Variants in RAP1GAP2 observed in about 807,000 individuals in gnomAD.
The protein encoded by RAP1GAP2 is RAP1 GTPase activating protein 2.
Under a neutral mutation model 95.0 loss-of-function variants are expected in RAP1GAP2, and 27 were observed. The observed-to-expected ratio is 0.28, with a 90% confidence interval of 0.21 to 0.39. The LOEUF is 0.39. Ranked by LOEUF, RAP1GAP2 falls within the 10% of genes least tolerant of loss-of-function variation. RAP1GAP2 has a pLI of 1.00. For synonymous variants in RAP1GAP2, 373 were observed against 380.9 expected (o/e 0.98, Z 0.24); for missense variants, 771 against 970.0 (o/e 0.79, Z 2.72).
intron 2 of RAP1GAP2, among the ~76,000 whole-genome samples, chr17:2,851,014 C>T (rs7209565): frequency 0.34 from 50,674 of 151,128 alleles, 9,087 homozygotes; most frequent in Non-Finnish European, 0.41. Context: ...GAGCCAAGAC[C>T]GTGCCATTGC....
chr17:2,966,510 AT>A (rs201729707), intron 8 of RAP1GAP2, among the ~76,000 whole-genome samples: 186 of 151,602 alleles, frequency 1.2e-3, no homozygotes, highest in African/African-American at 4.1e-3. Context: ...GAGCAATCAC[AT>A]TTTTTTTTCC....
rs777671857 is a variant in RAP1GAP2 at position 2,867,145 on chromosome 17, T to C, written c.81-38139T>C. Among the ~76,000 whole-genome samples the C allele has an allele frequency of 2.7e-5, 4 of 148,966 alleles. No homozygotes were observed. Among genetic ancestry groups the C allele is most frequent in the Admixed American group, 6.7e-5 (1 of 15,016 alleles). On this transcript the variant is annotated intron_variant, in intron 2 of 24. Transcript: ENST00000254695. This position sits in a 1 kb window ranked among gnomAD's most constrained non-coding sequence, Gnocchi z 4.5. ...CGAACTCCTGGTGTCGTGATTCCCC[T>C]CACCTTGGCCTCCCAAAGTGCTGGG...
chr17:2,986,072 G>A (rs764342585), intron 11 of RAP1GAP2, among the ~76,000 whole-genome samples: 7 of 152,076 alleles, frequency 4.6e-5, no homozygotes, highest in Non-Finnish European at 1.0e-4. Flanking sequence ...GTTAATGAAC[G>A]AATAAAAATG....
At chr17:2,989,092 C>CA (rs547650695) in intron 11 of RAP1GAP2, among the ~76,000 whole-genome samples, 28,555 of 113,740 alleles carry the variant, frequency 0.25, 3,018 homozygotes, top group South Asian at 0.47. Flanking sequence ...AAAAACAAAA[C>CA]AAAAAAAAAA....
At chr17:2,786,927 G>A (rs1351396194) in intron 1 of RAP1GAP2, among the ~76,000 whole-genome samples, 3 of 148,174 alleles carry the variant, frequency 2.0e-5, no homozygotes, top group African/African-American at 7.5e-5. Context: ...GATTACAGGC[G>A]TGAGCCATCG....
At chr17:2,817,995 C>T (rs1271589427) in intron 2 of RAP1GAP2, among the ~76,000 whole-genome samples, 1 of 151,538 alleles carries the variant, frequency 6.6e-6, no homozygotes, top group East Asian at 1.9e-4. Context: ...CACGACCACG[C>T]CTGGCTAATT....
intron 2 of RAP1GAP2, among the ~76,000 whole-genome samples, chr17:2,848,944 C>T (rs978528585): frequency 3.3e-5 from 5 of 152,302 alleles, no homozygotes; most frequent in East Asian, 3.9e-4. Flanking sequence ...ATCCCAGAGA[C>T]GCAACTGTGC....
intron 3 of RAP1GAP2, among the ~76,000 whole-genome samples, chr17:2,948,914 G>A (rs1982278): frequency 0.9 from 136,326 of 152,248 alleles, 62,457 homozygotes; most frequent in Non-Finnish European, 1. Context: ...GCTGGCACCC[G>A]AACCGGCAAG....
chr17:2,845,149 G>GT (rs1339035060), intron 2 of RAP1GAP2, among the ~76,000 whole-genome samples: 2 of 152,102 alleles, frequency 1.3e-5, no homozygotes, highest in African/African-American at 2.4e-5. Context: ...TTTTGTTGTT[G>GT]TTTTTTGTTT....
Position 3,033,085 on chromosome 17 carries a change from C to G in RAP1GAP2, c.*31-307C>G, listed in dbSNP as rs557238710. ...CTGGAGCCAAGAGGAGGGGTACAAC[C>G]GAACCCACTCTGTGTTCAACCTGAT... On this transcript the variant is annotated intron_variant, in intron 24 of 24. Transcript: ENST00000254695. This position sits in a 1 kb window ranked among gnomAD's most constrained non-coding sequence, Gnocchi z 4.9. 1 of 153,504 alleles carries G rather than the reference C, an allele frequency of 6.5e-6. No homozygotes were observed. Among genetic ancestry groups the G allele is most frequent in the Non-Finnish European group, 1.5e-5 (1 of 68,926 alleles). 9.5% of individuals were successfully genotyped at this position (153,504 alleles called of 1,614,324 possible).
At chr17:2,908,935 G>T (rs929012971) in intron 3 of RAP1GAP2, among the ~76,000 whole-genome samples, 1 of 152,126 alleles carries the variant, frequency 6.6e-6, no homozygotes, top group South Asian at 2.1e-4. Context: ...GAGACTCTTG[G>T]GTTCAAGCCA....
At position 3,035,041 on chromosome 17, in the gene RAP1GAP2, C is replaced by T. The variant is rs996209814; in HGVS notation, c.*1680C>T. ...CCTATAGCTTTTGCCATTCAAGCAA[C>T]ATTGTGATCTTTCTTCCCCGCCACG... On this transcript the variant is annotated 3_prime_UTR_variant, in exon 25 of 25. Transcript: ENST00000254695. The surrounding 1 kb of genome is among the most constrained non-coding windows in gnomAD (Gnocchi z 4.3). 6.7e-6 allele frequency: 1 copy of T among 148,700 alleles called. No individual in the cohort carries two copies. The highest frequency in any genetic ancestry group is 2.5e-5 in the African/African-American group (1 of 39,652). The allele number at this position is 148,700 out of a possible 1,614,324, so 9.2% of individuals were successfully genotyped here. A position where few individuals can be genotyped will look rare whatever the true frequency, so the allele number is the denominator to read the frequency against.
In RAP1GAP2 at chr17:2,824,615, C is replaced by T. The variant is rs145829287; in HGVS notation, c.80+24065C>T. Reference sequence around the variant, plus strand: ...ATTAGCCGGGCATGGTGGTGCATGCCTGTAATCCTAGCTACTCGGGAGGCT... The same window carrying T: ...ATTAGCCGGGCATGGTGGTGCATGCTTGTAATCCTAGCTACTCGGGAGGCT... On this transcript the variant is annotated intron_variant, in intron 2 of 24. Transcript: ENST00000254695. Among the ~76,000 whole-genome samples, 523 of 151,076 alleles carry T rather than the reference C, an allele frequency of 3.5e-3. 5 individuals carry two copies. Among genetic ancestry groups the T allele is most frequent in the African/African-American group, 0.012 (496 of 41,086 alleles).
chr17:2,875,195 T>C (rs2073039776), intron 2 of RAP1GAP2, among the ~76,000 whole-genome samples: 1 of 151,620 alleles, frequency 6.6e-6, no homozygotes, highest in Non-Finnish European at 1.5e-5. Context: ...GTCTCCGGAG[T>C]AGCTGAGATT....
chr17:2,797,884 GATT>G lies in RAP1GAP2; in HGVS notation c.44+1314_44+1316del. 2.7e-6 allele frequency: 2 copies of G among 735,612 alleles called. No homozygotes were observed. Among genetic ancestry groups the G allele is most frequent in the South Asian group, 1.2e-4 (2 of 16,162 alleles). 45.6% of individuals were successfully genotyped at this position (735,612 alleles called of 1,614,324 possible). A position where few individuals can be genotyped will look rare whatever the true frequency, so the allele number is the denominator to read the frequency against. ...CTTGCAGGGCAGGGCCCAGCAATTAGATTGTGCCCTCCAAGGCCCGCCTTTCTC... is the reference window on the plus strand; with the variant it reads ...CTTGCAGGGCAGGGCCCAGCAATTAGGTGCCCTCCAAGGCCCGCCTTTCTC... On this transcript the variant is annotated intron_variant, in intron 1 of 24. Transcript: ENST00000254695. This position sits in a 1 kb window ranked among gnomAD's most constrained non-coding sequence, Gnocchi z 5.6.
chr17:2,980,805 G>A (rs1332022221), intron 9 of RAP1GAP2, among the ~76,000 whole-genome samples: 1 of 152,186 alleles, frequency 6.6e-6, no homozygotes, highest in Non-Finnish European at 1.5e-5. Flanking sequence ...TAAGGAGGCT[G>A]CGAACCTGAG....
intron 2 of RAP1GAP2, among the ~76,000 whole-genome samples, chr17:2,826,344 T>G (rs1189243986): frequency 4.7e-5 from 7 of 149,342 alleles, no homozygotes; most frequent in South Asian, 4.3e-4. Context: ...AGGCTGCGGG[T>G]GGGTGGGGAA....
intron 2 of RAP1GAP2, among the ~76,000 whole-genome samples, chr17:2,840,328 T>A (rs1465750005): frequency 6.6e-6 from 1 of 151,604 alleles, no homozygotes; most frequent in Non-Finnish European, 1.5e-5. Context: ...AACACCCAGC[T>A]AATTTTTGTA....
chr17:2,757,431 T>G (rs1393719038), intron 1 of RAP1GAP2, among the ~76,000 whole-genome samples: 1 of 152,078 alleles, frequency 6.6e-6, no homozygotes, highest in Non-Finnish European at 1.5e-5. Context: ...GCAGAGGTAA[T>G]CCACTTTTGA....
Sources: allele counts gnomAD v4.1 joint callset (sites outside exome capture counted in the v4.1 genomes callset), GRCh38; gene constraint gnomAD v4.1.1; non-coding constraint Gnocchi (gnomAD v3.1); transcripts MANE v1.5; gene names NCBI Gene and HGNC (gene_info 2026-07-23, HGNC 2026-07-21).